PARD3: variants seen among roughly 807,000 people sequenced by gnomAD.
PARD3 encodes the protein par-3 family cell polarity regulator.
PARD3 carries 75 observed loss-of-function variants against 155.4 expected under a neutral mutation model. The ratio of observed to expected loss-of-function variants is 0.48; its 90% CI spans 0.40 to 0.58. The LOEUF is 0.58. Ranked by LOEUF, PARD3 falls within the 20% of genes least tolerant of loss-of-function variation. The pLI, the probability that PARD3 is intolerant of heterozygous loss-of-function variation, is 0.00. For missense variants in PARD3, 1,642 were observed against 1,721.7 expected (o/e 0.95, Z 0.82); for synonymous variants, 576 against 610.5 (o/e 0.94, Z 0.83).
chr10:34,334,172 T>G (rs930329224), intron 18 of PARD3, among the ~76,000 whole-genome samples: 5 of 151,710 alleles, frequency 3.3e-5, no homozygotes, highest in African/African-American at 1.2e-4. Flanking sequence ...ATGAAACCAT[T>G]AGAAATCCAA....
rs1564577508 is a variant in PARD3, at chr10:34,317,171, CTCTA to C, written c.2997_3000del (p.Asp999GlufsTer8). Reference sequence around the variant, plus strand: ...GCTTTCATTTTATCCTTCTCCTTATCTCTATCTTTCTTCTTTTCTTTTCCAGTTT... The same window carrying C: ...GCTTTCATTTTATCCTTCTCCTTATCTCTTTCTTCTTTTCTTTTCCAGTTT... On this transcript the variant is annotated frameshift_variant, in exon 20 of 25. Coordinates refer to ENST00000374788, the MANE Select transcript of PARD3 (RefSeq NM_001184785.2). LOFTEE classifies it high-confidence loss of function. 2 of 1,605,050 alleles carry C rather than the reference CTCTA, an allele frequency of 1.2e-6. No individual in the cohort carries two copies. Among genetic ancestry groups the C allele is most frequent in the Admixed American group, 1.7e-5 (1 of 58,398 alleles).
chr10:34,421,612 T>C (rs1296789931), intron 5 of PARD3, among the ~76,000 whole-genome samples: 5 of 152,118 alleles, frequency 3.3e-5, no homozygotes, highest in Non-Finnish European at 7.4e-5. Flanking sequence ...CATTAAACAA[T>C]AAATCTTATT....
At chr10:34,205,526 C>T (rs940948669) in intron 22 of PARD3, among the ~76,000 whole-genome samples, 8 of 152,110 alleles carry the variant, frequency 5.3e-5, no homozygotes, top group Admixed American at 2.0e-4. Flanking sequence ...AAACCTTAAT[C>T]CTGTATGAGT....
intron 2 of PARD3, among the ~76,000 whole-genome samples, chr10:34,622,705 A>C (rs548555936): frequency 6.6e-6 from 1 of 152,178 alleles, no homozygotes; most frequent in Non-Finnish European, 1.5e-5. Flanking sequence ...CAAAAACAAG[A>C]AGCTTTTGGG....
At chr10:34,127,703 C>T (rs975513256) in intron 23 of PARD3, among the ~76,000 whole-genome samples, 3 of 152,208 alleles carry the variant, frequency 2.0e-5, no homozygotes, top group African/African-American at 7.2e-5. Flanking sequence ...GAATGATAAG[C>T]TCAGGCGGGG....
At position 34,155,668 on chromosome 10, in the gene PARD3, A is replaced by ATGTGTGTGTGTGTG. The variant is rs3039232; in HGVS notation, c.3420-24099_3420-24086dup. 1.7e-3 allele frequency among the ~76,000 whole-genome samples: 236 copies of ATGTGTGTGTGTGTG among 140,426 alleles called. 1 individual carries two copies. The highest frequency in any genetic ancestry group is 0.017 in the East Asian group (77 of 4,648). 92.1% of individuals were successfully genotyped at this position (140,426 alleles called of 152,430 possible). A position where few individuals can be genotyped will look rare whatever the true frequency, so the allele number is the denominator to read the frequency against. On this transcript the variant is annotated intron_variant, in intron 22 of 24. Transcript: ENST00000374788. The stretch of plus-strand genomic sequence containing the variant: ...TTCAGAAACCACAAGCCCTCTAAAA[A>ATGTGTGTGTGTGTG]TGTGTGTGTGTGTGTGTGTGTGTGT...
chr10:34,370,809 T>TGTGTGG (rs1840516080), intron 12 of PARD3, among the ~76,000 whole-genome samples: 1 of 10,866 alleles, frequency 9.2e-5, no homozygotes, highest in Non-Finnish European at 2.8e-4. Flanking sequence ...ACAAATGGGG[T>TGTGTGG]GTGTGTGTGT....
intron 1 of PARD3, among the ~76,000 whole-genome samples, chr10:34,704,109 G>GTT (rs2094327212): frequency 6.6e-6 from 1 of 152,182 alleles, no homozygotes; most frequent in Admixed American, 6.5e-5. Context: ...CTGGAGCAGA[G>GTT]TGACCAGTCC....
At chr10:34,337,765 T>C (rs895192721) in intron 16 of PARD3, among the ~76,000 whole-genome samples, 3 of 152,234 alleles carry the variant, frequency 2.0e-5, no homozygotes, top group Admixed American at 2.0e-4. Flanking sequence ...CAACTGAATT[T>C]TTCAGGAAAC....
chr10:34,242,325 A>T, intron 22 of PARD3, among the ~76,000 whole-genome samples: 1 of 152,158 alleles, frequency 6.6e-6, no homozygotes. Context: ...ACCTTGTCCA[A>T]GGCAGCACTC....
At chr10:34,199,427 A>C (rs1951104662) in intron 22 of PARD3, among the ~76,000 whole-genome samples, 2 of 152,102 alleles carry the variant, frequency 1.3e-5, no homozygotes, top group Admixed American at 1.3e-4. Flanking sequence ...AGCTGGTGTG[A>C]GGACTAAGGG....
intron 22 of PARD3, among the ~76,000 whole-genome samples, chr10:34,181,339 A>G (rs1950257953): frequency 6.6e-6 from 1 of 152,206 alleles, no homozygotes; most frequent in Non-Finnish European, 1.5e-5. Flanking sequence ...CCAGTTAACA[A>G]AAGTTGGGTT....
At chr10:34,469,413 A>G (rs914901317) in intron 4 of PARD3, among the ~76,000 whole-genome samples, 1 of 152,162 alleles carries the variant, frequency 6.6e-6, no homozygotes, top group African/African-American at 2.4e-5. Context: ...CCAGCCAACA[A>G]ATTTTTTAAA....
At chr10:34,492,817 T>C (rs115628333) in intron 3 of PARD3, among the ~76,000 whole-genome samples, 297 of 152,332 alleles carry the variant, frequency 1.9e-3, no homozygotes, top group African/African-American at 6.5e-3. Context: ...GTCAAACACT[T>C]AGTCAATTTA....
chr10:34,707,789 G>GC (rs1337343866), intron 1 of PARD3, among the ~76,000 whole-genome samples: 1 of 152,084 alleles, frequency 6.6e-6, no homozygotes, highest in Non-Finnish European at 1.5e-5. Context: ...TCAACTCCAG[G>GC]CTCTGTGCAG....
chr10:34,331,194 T>C lies in PARD3; in HGVS notation c.2756A>G (p.Asn919Ser), dbSNP rs142711772. Residue 919 changes from asparagine (N) to serine (S), a missense_variant, in exon 19 of 25, where the codon AAT becomes AGT. Physicochemically the swap from Asn to Ser is conservative, Grantham distance 46. This residue lies in a region of PARD3 where 1,529 missense variants were observed against 1,587.3 expected (regional missense o/e 0.96). Transcript: ENST00000374788. The stretch of plus-strand genomic sequence containing the variant: ...GTCGATGGCAGCTCTGAAGCTCTCA[T>C]TGCATCCCCTGCCTCTGATTATCCG... ...RPRIIRGRGC[N>S]ESFRAAIDKS... 2.0e-5 allele frequency: 33 copies of C among 1,613,930 alleles called. No homozygotes were observed. The East Asian group carries it at 2.2e-4, about 11-fold the overall frequency.
At chr10:34,362,611 G>T (rs1246929516) in intron 12 of PARD3, among the ~76,000 whole-genome samples, 1 of 151,926 alleles carries the variant, frequency 6.6e-6, no homozygotes, top group Non-Finnish European at 1.5e-5. Context: ...TCCTCCCACT[G>T]CAGCCTCCAG....
intron 5 of PARD3, among the ~76,000 whole-genome samples, chr10:34,442,329 T>C (rs2076506405): frequency 6.6e-6 from 1 of 152,218 alleles, no homozygotes; most frequent in Non-Finnish European, 1.5e-5. Context: ...TCTATTCCTA[T>C]ATCAGACTTT....
chr10:34,281,797 T>C (rs1157570731), intron 21 of PARD3, among the ~76,000 whole-genome samples: 1 of 152,158 alleles, frequency 6.6e-6, no homozygotes, highest in Non-Finnish European at 1.5e-5. Flanking sequence ...TTCTGGTTTG[T>C]GGACAATCAT....
Sources: allele counts gnomAD v4.1 joint callset (sites outside exome capture counted in the v4.1 genomes callset), GRCh38; gene constraint gnomAD v4.1.1; regional missense constraint gnomAD v4.1.1; transcripts MANE v1.5; gene names NCBI Gene and HGNC (gene_info 2026-07-23, HGNC 2026-07-21).